Variants in RAB11FIP2 observed in about 807,000 individuals in gnomAD.
RAB11FIP2 encodes the protein rab11 family-interacting protein 2.
RAB11FIP2 carries 16 observed loss-of-function variants against 40.9 expected under a neutral mutation model. The observed-to-expected ratio is 0.39, with a 90% CI of 0.26 to 0.59. RAB11FIP2 has a LOEUF of 0.59. RAB11FIP2 is among the 20% of genes least tolerant of loss of function. The probability of loss-of-function intolerance (pLI) is 0.53; values close to 1 mark genes in which losing one functional copy is unlikely to be tolerated. For missense variants in RAB11FIP2, 532 were observed against 606.2 expected (o/e 0.88, Z 1.28); for synonymous variants, 228 against 213.7 (o/e 1.07, Z -0.58).
intron 3 of RAB11FIP2, among the ~76,000 whole-genome samples, chr10:118,016,132 A>G (rs1846216897): frequency 6.6e-6 from 1 of 152,218 alleles, no homozygotes; most frequent in Non-Finnish European, 1.5e-5. Context: ...CAGGGCACAC[A>G]TGTACAACCA....
intron 2 of RAB11FIP2, 41 bp downstream of exon 2, chr10:118,040,082 G>C (rs747935060): frequency 1.1e-5 from 16 of 1,519,064 alleles, no homozygotes; most frequent in Admixed American, 9.9e-5. Flanking sequence ...AAACTAAAAG[G>C]GTAGTTCAGA....
rs1220937050 is a variant in RAB11FIP2 at position 118,008,054 on chromosome 10, A to C, written c.*944T>G. On this transcript the variant is annotated 3_prime_UTR_variant, in exon 5 of 5. Coordinates refer to ENST00000355624, the MANE Select transcript of RAB11FIP2 (RefSeq NM_014904.3). Reference sequence around the variant, plus strand: ...AATTATTTTCAGATATAACTTTATAATATTTGCTTTGCTAGTGATTTAAAG... The same window carrying C: ...AATTATTTTCAGATATAACTTTATACTATTTGCTTTGCTAGTGATTTAAAG... The C allele has an allele frequency of 6.6e-6, 1 of 152,562 alleles. No individual in the cohort carries two copies. The highest frequency in any genetic ancestry group is 6.6e-5 in the Admixed American group (1 of 15,248). 9.5% of individuals were successfully genotyped at this position (152,562 alleles called of 1,614,324 possible).
intron 3 of RAB11FIP2, among the ~76,000 whole-genome samples, chr10:118,025,928 C>T (rs1846337561): frequency 6.6e-6 from 1 of 152,192 alleles, no homozygotes; most frequent in South Asian, 2.1e-4. Context: ...CCACCCAGGA[C>T]AGTTATTTAC....
chr10:118,044,528 C>T (rs577948321), intron 1 of RAB11FIP2, among the ~76,000 whole-genome samples: 3 of 152,182 alleles, frequency 2.0e-5, no homozygotes, highest in Non-Finnish European at 2.9e-5. Flanking sequence ...TTAAACTTTA[C>T]ATTTAACTTT....
intron 1 of RAB11FIP2, 141 bp from the exon 2 acceptor site, chr10:118,040,706 G>A: frequency 1.6e-6 from 1 of 613,616 alleles, no homozygotes; most frequent in Non-Finnish European, 2.7e-6. Flanking sequence ...GTCAGCCACA[G>A]TATTTCGGGC....
At chr10:118,013,727 C>T (rs1846182688) in intron 4 of RAB11FIP2, among the ~76,000 whole-genome samples, 1 of 151,958 alleles carries the variant, frequency 6.6e-6, no homozygotes, top group South Asian at 2.1e-4. Context: ...ATCAAGGATT[C>T]TTTTATCACC....
intron 3 of RAB11FIP2, among the ~76,000 whole-genome samples, chr10:118,027,888 A>C (rs1846364285): frequency 6.6e-6 from 1 of 152,144 alleles, no homozygotes; most frequent in African/African-American, 2.4e-5. Flanking sequence ...AACTTACAAA[A>C]TGATGTTCCA....
intron 1 of RAB11FIP2, among the ~76,000 whole-genome samples, chr10:118,041,219 G>A (rs1448238620): frequency 3.3e-5 from 5 of 149,564 alleles, no homozygotes; most frequent in African/African-American, 1.2e-4. Flanking sequence ...TGCAAGAAGT[G>A]ACAAAAAATA....
intron 3 of RAB11FIP2, among the ~76,000 whole-genome samples, chr10:118,031,471 A>G (rs1403419461): frequency 2.6e-5 from 4 of 152,158 alleles, no homozygotes; most frequent in African/African-American, 9.7e-5. Flanking sequence ...ATTTAAATAT[A>G]CATTCCAGGT....
intron 3 of RAB11FIP2, among the ~76,000 whole-genome samples, chr10:118,031,571 G>T (rs190029833): frequency 3.3e-5 from 5 of 152,114 alleles, no homozygotes; most frequent in African/African-American, 1.2e-4. Context: ...AAGAGGGGGA[G>T]AATCAGGTAG....
At chr10:118,024,495 G>C (rs1426398764) in intron 3 of RAB11FIP2, among the ~76,000 whole-genome samples, 2 of 147,118 alleles carry the variant, frequency 1.4e-5, no homozygotes, top group Admixed American at 1.3e-4. Context: ...GTGTGTGTGT[G>C]TGTGTGTGTG....
At position 118,006,220 on chromosome 10, in the gene RAB11FIP2, G is replaced by T. The variant is rs1182964602; in HGVS notation, c.*2778C>A. The T allele has an allele frequency of 6.6e-6, 1 of 152,470 alleles. No individual in the cohort carries two copies. Among genetic ancestry groups the T allele is most frequent in the East Asian group, 1.9e-4 (1 of 5,194 alleles). 9.4% of individuals were successfully genotyped at this position (152,470 alleles called of 1,614,324 possible). On this transcript the variant is annotated 3_prime_UTR_variant, in exon 5 of 5. Coordinates refer to ENST00000355624, the MANE Select transcript of RAB11FIP2 (RefSeq NM_014904.3). ...ATTTTTAAAGCTGAATTTTAGAATTGGTTATAAAATAATACTGCTTTAAAA... is the reference window on the plus strand; with the variant it reads ...ATTTTTAAAGCTGAATTTTAGAATTTGTTATAAAATAATACTGCTTTAAAA...
In RAB11FIP2 at chr10:118,038,965, A is replaced by G; in HGVS notation, c.1265+7T>C. ...AAATAGTAGAACTTCCCCCATATTA[A>G]GCTTACCTTGAAGATGGCATTATAT... On this transcript the variant is annotated splice_region_variant and intron_variant, in intron 3 of 4. Transcript: ENST00000355624. 4 of 1,559,594 alleles carry G rather than the reference A, an allele frequency of 2.6e-6. No individual in the cohort carries two copies. The highest frequency in any genetic ancestry group is 2.6e-6 in the Non-Finnish European group (3 of 1,151,912).
At chr10:118,021,040 G>T (rs1414821712) in intron 3 of RAB11FIP2, among the ~76,000 whole-genome samples, 1 of 151,208 alleles carries the variant, frequency 6.6e-6, no homozygotes, top group Non-Finnish European at 1.5e-5. Flanking sequence ...CTTTGTAAAT[G>T]ATAATTCACT....
In RAB11FIP2 at chr10:118,009,168, G is replaced by C. The variant is rs1200054835; in HGVS notation, c.1369C>G (p.Leu457Val). 2.5e-6 allele frequency: 4 copies of C among 1,613,466 alleles called. No homozygotes were observed. The African/African-American group carries it at 5.3e-5, about 22-fold the overall frequency. Residue 457 changes from leucine (L) to valine (V), a missense_variant, in exon 5 of 5, where the codon CTA (leucine) becomes GTA (valine). By Grantham distance (32) the Leu-to-Val change is conservative (BLOSUM62 1). Transcript: ENST00000355624. ...GYRSLTYEEV[L>V]QELVKHKELL... is the part of the protein sequence containing the mutation. The stretch of plus-strand genomic sequence containing the variant: ...TCTTTGTGTTTCACCAGCTCCTGTA[G>C]AACCTCTTCATAGGTCAGACTACGA...
At position 118,040,324 on chromosome 10, in the gene RAB11FIP2, C is replaced by T. The variant is rs535052706; in HGVS notation, c.595G>A (p.Glu199Lys). The T allele has an allele frequency of 6.2e-7, 1 of 1,613,860 alleles. No individual in the cohort carries two copies. Among genetic ancestry groups the T allele is most frequent in the Admixed American group, 1.7e-5 (1 of 59,988 alleles). Residue 199 changes from glutamate (E) to lysine (K), a missense_variant, in exon 2 of 5, where the codon GAA becomes AAA. Glu to Lys is a moderately conservative substitution (Grantham distance 56). Transcript: ENST00000355624. ...PSTHMPDANS[E>K]FSSGEIQMKS... ...ATCTGTATTTCACCACTTGAAAATT[C>T]ACTATTGGCATCGGGCATGTGAGTA...
intron 3 of RAB11FIP2, among the ~76,000 whole-genome samples, chr10:118,034,715 G>A (rs1357678297): frequency 1.3e-5 from 2 of 152,078 alleles, no homozygotes; most frequent in Non-Finnish European, 2.9e-5. Context: ...AACAAGACTA[G>A]TGGCAATTAT....
At chr10:118,026,365 T>C (rs1846343395) in intron 3 of RAB11FIP2, among the ~76,000 whole-genome samples, 1 of 152,184 alleles carries the variant, frequency 6.6e-6, no homozygotes, top group South Asian at 2.1e-4. Flanking sequence ...ATACAATGAA[T>C]ATTATTTCTG....
chr10:118,025,610 GA>G (rs1314190726), intron 3 of RAB11FIP2, among the ~76,000 whole-genome samples: 2 of 152,256 alleles, frequency 1.3e-5, no homozygotes, highest in East Asian at 1.9e-4. Flanking sequence ...GTCATATATG[GA>G]AAACTCTTCA....
Sources: gnomAD v4.1 joint callset for allele counts (sites outside exome capture counted in the v4.1 genomes callset) on GRCh38, gnomAD v4.1.1 for gene constraint, MANE v1.5 for transcripts, NCBI Gene and HGNC (gene_info 2026-07-23, HGNC 2026-07-21) for gene names.